The following PKD2L2 variants were observed in gnomAD, a reference collection of about 807,000 sequenced individuals.
PKD2L2 encodes the protein polycystin 2 like 2, transient receptor potential cation channel.
Under a neutral mutation model 83.9 loss-of-function variants are expected in PKD2L2, and 67 were observed. The observed-to-expected ratio is 0.80, with a 90% CI of 0.66 to 0.98. PKD2L2 has a LOEUF of 0.98. Among genes scored for constraint, PKD2L2 ranks in the 50% least tolerant of loss-of-function variants. The pLI, the probability that PKD2L2 is intolerant of heterozygous loss-of-function variation, is 0.00. For synonymous variants in PKD2L2, 223 were observed against 237.8 expected, an observed-to-expected ratio of 0.94 and a Z score of 0.57; for missense variants, 632 against 717.2, an observed-to-expected ratio of 0.88 and a Z score of 1.36.
chr5:137,934,671 A>G (rs1364394446), intron 12 of PKD2L2, among the ~76,000 whole-genome samples: 1 of 152,056 alleles, frequency 6.6e-6, no homozygotes, highest in Non-Finnish European at 1.5e-5. Flanking sequence ...AATTAGCCAG[A>G]TGTGGTGGTG....
At chr5:137,930,003 G>C (rs1005063021) in intron 12 of PKD2L2, among the ~76,000 whole-genome samples, 1 of 151,918 alleles carries the variant, frequency 6.6e-6, no homozygotes, top group African/African-American at 2.4e-5. Flanking sequence ...GAATATCTAT[G>C]CACCAAACAG....
At chr5:137,928,861 A>C (rs1200769134) in intron 12 of PKD2L2, among the ~76,000 whole-genome samples, 3 of 152,204 alleles carry the variant, frequency 2.0e-5, no homozygotes, top group Non-Finnish European at 2.9e-5. Context: ...TGAGCGAGCC[A>C]CTGTGCCCAG....
intron 8 of PKD2L2, among the ~76,000 whole-genome samples, chr5:137,921,053 T>C (rs1440275943): frequency 6.6e-6 from 1 of 152,054 alleles, no homozygotes; most frequent in Admixed American, 6.6e-5. Flanking sequence ...AGTAAACAGG[T>C]ATCTCAGGTT....
At chr5:137,918,945 TGTGTGTGTGTGTGTGTGTGTGTGA>T (rs1177620075) in intron 8 of PKD2L2, among the ~76,000 whole-genome samples, 11 of 102,876 alleles carry the variant, frequency 1.1e-4, no homozygotes, top group South Asian at 4.7e-4. Context: ...GCCTGCACAA[TGTGTGTGTGTGTGTGTGTGTGTGA>T]GTGTGTGTGT....
At chr5:137,906,115 C>A (rs1757343468) in intron 5 of PKD2L2, 91 bp from the exon 6 acceptor site, 3 of 722,416 alleles carry the variant, frequency 4.2e-6, no homozygotes, top group African/African-American at 1.8e-5. Context: ...ATCATTAAAG[C>A]ATACATAATC....
At chr5:137,938,292 T>G (rs1398901607) in intron 14 of PKD2L2, 1 of 152,598 alleles carries the variant, frequency 6.6e-6, no homozygotes, top group African/African-American at 2.4e-5. Context: ...AATATGGTAC[T>G]CATATAGATT....
At chr5:137,931,383 C>T (rs1251573647) in intron 12 of PKD2L2, among the ~76,000 whole-genome samples, 2 of 152,152 alleles carry the variant, frequency 1.3e-5, no homozygotes, top group Non-Finnish European at 2.9e-5. Flanking sequence ...TATGAAACTA[C>T]TATATATTGT....
intron 14 of PKD2L2, among the ~76,000 whole-genome samples, chr5:137,941,249 G>A (rs1170264412): frequency 1.3e-5 from 2 of 151,994 alleles, no homozygotes; most frequent in African/African-American, 4.8e-5. Context: ...AACCTATATA[G>A]GAGACTCACA....
intron 8 of PKD2L2, among the ~76,000 whole-genome samples, chr5:137,916,475 C>CCTTTTTT (rs1274018088): frequency 1.1e-5 from 1 of 93,216 alleles, no homozygotes. Context: ...CACTTTTCTT[C>CCTTTTTT]TTTTTTTTTT....
At chr5:137,940,482 AAAG>A in intron 14 of PKD2L2, 1 of 647,624 alleles carries the variant, frequency 1.5e-6, no homozygotes, top group Non-Finnish European at 2.6e-6. Context: ...AAAAAAAAAA[AAAG>A]GTTATTGAAC....
At position 137,935,857 on chromosome 5, in the gene PKD2L2, T is replaced by G; in HGVS notation, c.1732T>G (p.Ser578Ala). Reference sequence around the variant, plus strand: ...AGAGAGGCTTGAGAAAAAGTATTATTCTATGGAAATTCAAGATGACTACCA... The same window carrying G: ...AGAGAGGCTTGAGAAAAAGTATTATGCTATGGAAATTCAAGATGACTACCA... The part of the protein sequence containing the change: ...WKERLEKKYY[S>A]MEIQDDYQPV... Residue 578 changes from serine (S) to alanine (A), a missense_variant, in exon 13 of 15, where the codon TCT (serine) becomes GCT (alanine). Transcript: ENST00000508883. The G allele has an allele frequency of 6.2e-7, 1 of 1,611,700 alleles. No individual in the cohort carries two copies. Among genetic ancestry groups the G allele is most frequent in the Non-Finnish European group, 8.5e-7 (1 of 1,177,850 alleles).
chr5:137,937,801 TC>T (rs1760597829), intron 14 of PKD2L2, among the ~76,000 whole-genome samples: 2 of 152,122 alleles, frequency 1.3e-5, no homozygotes, highest in South Asian at 4.1e-4. Context: ...TCTTACCATT[TC>T]CCAGAGTTGT....
chr5:137,925,805 T>C lies in PKD2L2; in HGVS notation c.1617-70T>C, dbSNP rs752581952. Reference sequence around the variant, plus strand: ...ATTCAGATCCTTACTACAGATCCGATTGTACTTTATGGTGGCATTTCCTTT... The same window carrying C: ...ATTCAGATCCTTACTACAGATCCGACTGTACTTTATGGTGGCATTTCCTTT... On this transcript the variant is annotated intron_variant, in intron 11 of 14. Transcript: ENST00000508883. The C allele has an allele frequency of 1.3e-5, 11 of 851,798 alleles. No homozygotes were observed. In the East Asian group the frequency reaches 2.0e-4, roughly 15 times the overall value. The allele number at this position is 851,798 out of a possible 1,614,324, so 52.8% of individuals were successfully genotyped here.
chr5:137,935,924 T>C lies in PKD2L2; in HGVS notation c.1784+15T>C. 7.6e-7 allele frequency: 1 copy of C among 1,309,428 alleles called. No homozygotes were observed. The highest frequency in any genetic ancestry group is 1.1e-6 in the Non-Finnish European group (1 of 905,574). 81.1% of individuals were successfully genotyped at this position (1,309,428 alleles called of 1,614,324 possible). ...GAATTTCGAGAGTAAGCTTATGTTCTAACCAGACTATTATGGGATATCATG... is the reference window on the plus strand; with the variant it reads ...GAATTTCGAGAGTAAGCTTATGTTCCAACCAGACTATTATGGGATATCATG... On this transcript the variant is annotated intron_variant, in intron 13 of 14. Coordinates refer to ENST00000508883, the MANE Select transcript of PKD2L2 (RefSeq NM_001300921.2).
chr5:137,933,384 A>G lies in PKD2L2; in HGVS notation c.1672-2413A>G, dbSNP rs186505484. On this transcript the variant is annotated intron_variant, in intron 12 of 14. Transcript: ENST00000508883. Reference sequence around the variant, plus strand: ...ATTGTATCCATCTGTGGATATTATGACCTCTTCTAGTTGAATCACAATTCC... The same window carrying G: ...ATTGTATCCATCTGTGGATATTATGGCCTCTTCTAGTTGAATCACAATTCC... Among the ~76,000 whole-genome samples, 8 of 152,270 alleles carry G rather than the reference A, an allele frequency of 5.3e-5. No individual in the cohort carries two copies. In the East Asian group the frequency reaches 1.5e-3, roughly 29 times the overall value.
At chr5:137,931,547 A>C (rs987849347) in intron 12 of PKD2L2, among the ~76,000 whole-genome samples, 1 of 152,208 alleles carries the variant, frequency 6.6e-6, no homozygotes, top group East Asian at 1.9e-4. Context: ...CAACTAATCA[A>C]CGTAATTCAT....
chr5:137,923,958 A>G (rs959333687), intron 10 of PKD2L2, among the ~76,000 whole-genome samples: 5 of 151,740 alleles, frequency 3.3e-5, no homozygotes, highest in African/African-American at 1.2e-4. Context: ...CTCTCAAGTC[A>G]CTCCTGGCTC....
chr5:137,892,309 G>T (rs140886635), intron 2 of PKD2L2, among the ~76,000 whole-genome samples, 171 bp from the exon 3 acceptor site: 4 of 152,292 alleles, frequency 2.6e-5, no homozygotes, highest in South Asian at 2.1e-4. Flanking sequence ...ACTAATTCTA[G>T]AAACCACATC....
chr5:137,939,980 T>C lies in PKD2L2; in HGVS notation c.*18-2404T>C, dbSNP rs917605907. On this transcript the variant is annotated intron_variant, in intron 14 of 14. Coordinates refer to ENST00000508883, the MANE Select transcript of PKD2L2 (RefSeq NM_001300921.2). ...GTATCTGTAGTACAAAACAATGAAG[T>C]AAACCATATGTTTGCTAAAGGTGGA... 1.5e-5 allele frequency: 23 copies of C among 1,548,188 alleles called. No homozygotes were observed. In the African/African-American group the frequency reaches 2.5e-4, roughly 17 times the overall value.
Sources: allele counts gnomAD v4.1 joint callset (sites outside exome capture counted in the v4.1 genomes callset), GRCh38; gene constraint gnomAD v4.1.1; transcripts MANE v1.5; gene names NCBI Gene and HGNC (gene_info 2026-07-23, HGNC 2026-07-21).